The following SLC24A2 variants were observed in gnomAD, a reference collection of about 807,000 sequenced individuals.
SLC24A2 encodes sodium/potassium/calcium exchanger 2.
Under a neutral mutation model 62.0 loss-of-function variants are expected in SLC24A2, and 36 were observed. The ratio of observed to expected loss-of-function variants is 0.58; its 90% CI spans 0.44 to 0.77. The LOEUF is 0.77. Among genes scored for constraint, SLC24A2 ranks in the 30% least tolerant of loss-of-function variants. The pLI is 0.00. For synonymous variants in SLC24A2, 358 were observed against 294.0 expected (o/e 1.22, Z -2.23); for missense variants, 846 against 817.9 (o/e 1.03, Z -0.42).
chr9:20,305,349 A>C, the SLC24A2 span, among the ~76,000 whole-genome samples: 90,670 of 151,578 alleles, frequency 0.6, 29,327 homozygotes, highest in African/African-American at 0.86. Context: ...CTCATGATCG[A>C]CCCCCTCGGC....
the SLC24A2 span, among the ~76,000 whole-genome samples, chr9:20,195,320 T>A: frequency 2.6e-4 from 39 of 152,316 alleles, no homozygotes; most frequent in Middle Eastern, 0.017. Flanking sequence ...TATAGTCCAA[T>A]CAGTGATTTA....
At chr9:19,882,426 A>G in the SLC24A2 span, among the ~76,000 whole-genome samples, 1 of 151,802 alleles carries the variant, frequency 6.6e-6, no homozygotes, top group South Asian at 2.1e-4. Context: ...TTTTATTACT[A>G]TGGTTCTATG....
the SLC24A2 span, among the ~76,000 whole-genome samples, chr9:20,030,596 A>T: frequency 6.6e-6 from 1 of 152,196 alleles, no homozygotes; most frequent in Admixed American, 6.5e-5. Flanking sequence ...CTTTCTGGAC[A>T]AACCCCACCC....
intron 2 of SLC24A2, among the ~76,000 whole-genome samples, chr9:19,651,381 T>C (rs1331511285): frequency 6.6e-6 from 1 of 152,194 alleles, no homozygotes. Context: ...AGAGAGAAAT[T>C]AGACAACTCG....
chr9:20,180,602 G>C, the SLC24A2 span, among the ~76,000 whole-genome samples: 1 of 152,094 alleles, frequency 6.6e-6, no homozygotes, highest in Non-Finnish European at 1.5e-5. Flanking sequence ...TTATTGGCAT[G>C]GCTGAATGAT....
chr9:19,645,490 A>T (rs551824352), intron 2 of SLC24A2, among the ~76,000 whole-genome samples: 1 of 152,194 alleles, frequency 6.6e-6, no homozygotes. Flanking sequence ...TCACATAAAC[A>T]TGGTGTGGTT....
chr9:19,732,651 G>A lies in SLC24A2; in HGVS notation c.930+53286C>T, dbSNP rs184254092. On this transcript the variant is annotated intron_variant, in intron 2 of 10. Coordinates refer to ENST00000341998, the MANE Select transcript of SLC24A2 (RefSeq NM_020344.4). ...ATAATCCTAACGTCGCAATCTGAGA[G>A]CTACCTCTCCCCCGTGTCTGTGCTG... 3.7e-3 allele frequency among the ~76,000 whole-genome samples: 557 copies of A among 152,202 alleles called. 2 individuals carry two copies. The highest frequency in any genetic ancestry group is 0.013 in the African/African-American group (530 of 41,538).
the SLC24A2 span, among the ~76,000 whole-genome samples, chr9:20,257,688 T>C: frequency 1.2e-3 from 182 of 152,342 alleles, no homozygotes; most frequent in African/African-American, 4.2e-3. Flanking sequence ...TAAATTTCTT[T>C]CTTCCTCATC....
chr9:20,035,181 A>T, the SLC24A2 span, among the ~76,000 whole-genome samples: 2 of 152,176 alleles, frequency 1.3e-5, no homozygotes, highest in South Asian at 4.1e-4. Flanking sequence ...AGGTCTCTGA[A>T]CATCCACAAC....
intron 2 of SLC24A2, among the ~76,000 whole-genome samples, chr9:19,653,736 T>C (rs1277550300): frequency 2.0e-5 from 3 of 152,182 alleles, no homozygotes; most frequent in African/African-American, 7.2e-5. Context: ...GCCTGGCATA[T>C]AGTAGTTGTA....
At chr9:19,712,535 C>T (rs1357617634) in intron 2 of SLC24A2, among the ~76,000 whole-genome samples, 1 of 152,154 alleles carries the variant, frequency 6.6e-6, no homozygotes, top group Non-Finnish European at 1.5e-5. Context: ...AAGAGGGAAG[C>T]AGAGCAGACA....
chr9:19,825,929 C>G, the SLC24A2 span, among the ~76,000 whole-genome samples: 1 of 152,116 alleles, frequency 6.6e-6, no homozygotes, highest in Non-Finnish European at 1.5e-5. Context: ...GACTCAAGAT[C>G]TCTCTAGGCA....
the SLC24A2 span, among the ~76,000 whole-genome samples, chr9:20,192,724 T>C: frequency 2.0e-5 from 3 of 152,326 alleles, no homozygotes; most frequent in Admixed American, 1.3e-4. Flanking sequence ...ACAAACTGCA[T>C]TGAAATCTCT....
At chr9:19,863,140 G>A in the SLC24A2 span, among the ~76,000 whole-genome samples, 1 of 151,858 alleles carries the variant, frequency 6.6e-6, no homozygotes, top group African/African-American at 2.4e-5. Context: ...AGCTATAAGA[G>A]AGACAAGGTC....
the SLC24A2 span, among the ~76,000 whole-genome samples, chr9:20,170,837 T>C: frequency 6.6e-6 from 1 of 152,030 alleles, no homozygotes; most frequent in Non-Finnish European, 1.5e-5. Flanking sequence ...GCTAGAGACC[T>C]AGTCATCCAA....
Position 19,512,097 on chromosome 9 carries a change from T to TA in SLC24A2, c.*4055dup, listed in dbSNP as rs1363638465. Reference sequence around the variant, plus strand: ...GTGGTCTGGGGGTGGGCTCCCTTTGTAGCTCATCTCTTCTCTCACTGTTCC... The same window carrying TA: ...GTGGTCTGGGGGTGGGCTCCCTTTGTAAGCTCATCTCTTCTCTCACTGTTCC... On this transcript the variant is annotated 3_prime_UTR_variant, in exon 11 of 11. Coordinates refer to ENST00000341998, the MANE Select transcript of SLC24A2 (RefSeq NM_020344.4). 1 of 152,304 alleles carries TA rather than the reference T, an allele frequency of 6.6e-6. No individual in the cohort carries two copies. Among genetic ancestry groups the TA allele is most frequent in the African/African-American group, 2.4e-5 (1 of 41,468 alleles). The allele number at this position is 152,304 out of a possible 1,614,324, so 9.4% of individuals were successfully genotyped here.
the SLC24A2 span, among the ~76,000 whole-genome samples, chr9:20,257,642 G>C: frequency 2.6e-5 from 4 of 152,170 alleles, no homozygotes; most frequent in Non-Finnish European, 4.4e-5. Flanking sequence ...GCCGGTTACT[G>C]ACTTTTATTA....
intron 7 of SLC24A2, among the ~76,000 whole-genome samples, chr9:19,568,097 C>T (rs755626660): frequency 6.6e-6 from 1 of 152,156 alleles, no homozygotes; most frequent in Non-Finnish European, 1.5e-5. Context: ...ATGCGCACCT[C>T]ACTCTTAACG....
intron 9 of SLC24A2, among the ~76,000 whole-genome samples, chr9:19,524,428 A>G (rs1833343019): frequency 6.6e-6 from 1 of 151,856 alleles, no homozygotes; most frequent in Non-Finnish European, 1.5e-5. Flanking sequence ...CAAAAAAAAA[A>G]AAAAAAGCCA....
Sources: allele counts gnomAD v4.1 joint callset (sites outside exome capture counted in the v4.1 genomes callset), GRCh38; gene constraint gnomAD v4.1.1; transcripts MANE v1.5; gene names NCBI Gene and HGNC (gene_info 2026-07-23, HGNC 2026-07-21).